Variants in RPS6KC1 observed in about 807,000 individuals in gnomAD.
RPS6KC1 encodes ribosomal protein S6 kinase C1.
Under a neutral mutation model 103.8 loss-of-function variants are expected in RPS6KC1, and 54 were observed. The ratio of observed to expected loss-of-function variants is 0.52; its 90% CI spans 0.42 to 0.65. The LOEUF is 0.65. RPS6KC1 is among the 30% of genes least tolerant of loss of function. RPS6KC1 has a pLI of 0.00. For missense variants in RPS6KC1, 1,151 were observed against 1,253.8 expected (o/e 0.92, Z 1.24); for synonymous variants, 439 against 438.7 (o/e 1.00, Z -0.01).
the RPS6KC1 span, among the ~76,000 whole-genome samples, chr1:213,734,827 G>A: frequency 6.6e-6 from 1 of 152,264 alleles, no homozygotes; most frequent in Non-Finnish European, 1.5e-5. Flanking sequence ...GGCGGCACAA[G>A]GTCATGGTTT....
chr1:213,497,683 A>G, the RPS6KC1 span, among the ~76,000 whole-genome samples: 2 of 152,138 alleles, frequency 1.3e-5, no homozygotes, highest in African/African-American at 4.8e-5. Context: ...AAATAGTCCC[A>G]AAGAAAGCAG....
intron 3 of RPS6KC1, among the ~76,000 whole-genome samples, chr1:213,097,952 A>G (rs2081616175): frequency 6.6e-6 from 1 of 152,156 alleles, no homozygotes; most frequent in Non-Finnish European, 1.5e-5. Flanking sequence ...GTTTAAGGGA[A>G]TGTTGGGGCT....
chr1:213,336,154 G>T, the RPS6KC1 span, among the ~76,000 whole-genome samples: 3 of 152,172 alleles, frequency 2.0e-5, no homozygotes, highest in Admixed American at 6.5e-5. Flanking sequence ...ATAGCTTAAA[G>T]TTCACTTCTA....
chr1:213,723,130 A>G, the RPS6KC1 span, among the ~76,000 whole-genome samples: 1 of 152,182 alleles, frequency 6.6e-6, no homozygotes, highest in Non-Finnish European at 1.5e-5. Flanking sequence ...CAGTGAGCCG[A>G]GATCCCGCCA....
chr1:213,808,243 G>A, the RPS6KC1 span, among the ~76,000 whole-genome samples: 2 of 152,224 alleles, frequency 1.3e-5, no homozygotes, highest in African/African-American at 4.8e-5. Flanking sequence ...GGACCCACTT[G>A]AGGAGGCAGT....
chr1:213,277,560 G>A (rs2095114632), downstream of RPS6KC1, among the ~76,000 whole-genome samples: 1 of 152,212 alleles, frequency 6.6e-6, no homozygotes, highest in Non-Finnish European at 1.5e-5. Flanking sequence ...CTAATTCTTT[G>A]TTCTTCCCCA....
At chr1:213,436,573 G>A in the RPS6KC1 span, among the ~76,000 whole-genome samples, 30 of 152,146 alleles carry the variant, frequency 2.0e-4, no homozygotes, top group Non-Finnish European at 3.7e-4. Context: ...ATTGGAATGC[G>A]TTGACTCTAC....
chr1:213,363,638 CTTTCTT>C, the RPS6KC1 span, among the ~76,000 whole-genome samples: 5 of 41,994 alleles, frequency 1.2e-4, 1 homozygote, highest in African/African-American at 9.7e-4. Flanking sequence ...TTCTTTCTTT[CTTTCTT>C]TCTTTCTTTC....
At chr1:213,237,951 A>T (rs1371072089) in intron 10 of RPS6KC1, among the ~76,000 whole-genome samples, 1 of 152,034 alleles carries the variant, frequency 6.6e-6, no homozygotes, top group Non-Finnish European at 1.5e-5. Context: ...ATACTTATAG[A>T]TCCTTATAGA....
At chr1:213,383,938 T>C in the RPS6KC1 span, among the ~76,000 whole-genome samples, 13 of 152,148 alleles carry the variant, frequency 8.5e-5, no homozygotes, top group African/African-American at 3.1e-4. Context: ...CTATGGTATT[T>C]TGTTATGAAG....
chr1:213,444,989 A>G, the RPS6KC1 span, among the ~76,000 whole-genome samples: 1 of 152,190 alleles, frequency 6.6e-6, no homozygotes, highest in African/African-American at 2.4e-5. Flanking sequence ...ACCCCATGCC[A>G]CTTAGCCATC....
chr1:213,422,014 AT>A, the RPS6KC1 span, among the ~76,000 whole-genome samples: 1 of 152,068 alleles, frequency 6.6e-6, no homozygotes, highest in South Asian at 2.1e-4. Context: ...TTTTGGTATT[AT>A]TTTTTATTGT....
At chr1:213,415,226 G>A in the RPS6KC1 span, among the ~76,000 whole-genome samples, 1 of 152,240 alleles carries the variant, frequency 6.6e-6, no homozygotes, top group South Asian at 2.1e-4. Flanking sequence ...CAGTGAGGTG[G>A]AAAGAAGCTG....
chr1:213,282,894 C>T, the RPS6KC1 span, among the ~76,000 whole-genome samples: 1 of 152,288 alleles, frequency 6.6e-6, no homozygotes, highest in South Asian at 2.1e-4. Flanking sequence ...GATTTCTATA[C>T]AACCTGTACA....
At chr1:213,646,457 A>G in the RPS6KC1 span, among the ~76,000 whole-genome samples, 3 of 152,134 alleles carry the variant, frequency 2.0e-5, no homozygotes, top group Non-Finnish European at 4.4e-5. Context: ...AAATTTTCAG[A>G]CAGGGATTCC....
At chr1:213,151,680 A>T (rs2088958651) in intron 6 of RPS6KC1, among the ~76,000 whole-genome samples, 1 of 86,272 alleles carries the variant, frequency 1.2e-5, no homozygotes, top group Non-Finnish European at 2.3e-5. Flanking sequence ...GCGGCCGGGC[A>T]GACGCGCCCC....
chr1:213,386,022 A>T, the RPS6KC1 span, among the ~76,000 whole-genome samples: 1 of 152,142 alleles, frequency 6.6e-6, no homozygotes, highest in African/African-American at 2.4e-5. Context: ...TTTGATCCTC[A>T]ATGTTGGAGG....
At chr1:213,143,847 A>G (rs1050563969) in intron 6 of RPS6KC1, among the ~76,000 whole-genome samples, 6 of 150,534 alleles carry the variant, frequency 4.0e-5, no homozygotes, top group Non-Finnish European at 7.4e-5. Context: ...TTTTCCTGGA[A>G]ACTGCACATA....
chr1:213,623,855 T>C, the RPS6KC1 span, among the ~76,000 whole-genome samples: 6 of 152,202 alleles, frequency 3.9e-5, no homozygotes, highest in African/African-American at 1.4e-4. Context: ...AGCAAGGTGC[T>C]GTGTGTATTC....
Sources: allele counts gnomAD v4.1 joint callset (sites outside exome capture counted in the v4.1 genomes callset), GRCh38; gene constraint gnomAD v4.1.1; transcripts MANE v1.5; gene names NCBI Gene and HGNC (gene_info 2026-07-23, HGNC 2026-07-21).